GLRB: variants seen among roughly 807,000 people sequenced by gnomAD.
The protein encoded by GLRB is glycine receptor beta.
Under a neutral mutation model 54.2 loss-of-function variants are expected in GLRB, and 33 were observed. The ratio of observed to expected loss-of-function variants is 0.61; its 90% CI spans 0.46 to 0.81. The LOEUF (loss-of-function observed/expected upper bound fraction) is 0.81, where lower values mean the gene tolerates loss of function less well. Ranked by LOEUF, GLRB falls within the 40% of genes least tolerant of loss-of-function variation. GLRB has a pLI of 0.00. For missense variants in GLRB, 572 were observed against 584.6 expected (o/e 0.98, Z 0.22); for synonymous variants, 209 against 208.2 (o/e 1.00, Z -0.03).
At chr4:157,098,692 A>G (rs764576428) in intron 2 of GLRB, among the ~76,000 whole-genome samples, 145 of 150,778 alleles carry the variant, frequency 9.6e-4, no homozygotes, top group Non-Finnish European at 1.7e-3. Flanking sequence ...AGCAACCTCC[A>G]CCTCCCTGGT....
chr4:157,120,785 G>A lies in GLRB; in HGVS notation c.229+123G>A. On this transcript the variant is annotated intron_variant, in intron 3 of 9. Transcript: ENST00000264428. ...ATTCAAAACAGTAAGATTTCAAAGTGATATATAACAAAAATGTCCTTAAGT... is the reference window on the plus strand; with the variant it reads ...ATTCAAAACAGTAAGATTTCAAAGTAATATATAACAAAAATGTCCTTAAGT... 5.6e-6 allele frequency: 3 copies of A among 533,952 alleles called. 1 individual carries two copies. The highest frequency in any genetic ancestry group is 1.1e-5 in the Non-Finnish European group (3 of 285,456). The allele number at this position is 533,952 out of a possible 1,614,324, so 33.1% of individuals were successfully genotyped here. A position where few individuals can be genotyped will look rare whatever the true frequency, so the allele number is the denominator to read the frequency against.
intron 2 of GLRB, among the ~76,000 whole-genome samples, chr4:157,090,602 TG>T (rs1196877520): frequency 1.3e-5 from 2 of 152,228 alleles, no homozygotes; most frequent in Non-Finnish European, 1.5e-5. Context: ...AGAGGTGCAA[TG>T]TGAAATCTGA....
intron 9 of GLRB, among the ~76,000 whole-genome samples, chr4:157,161,408 G>T (rs1215534136): frequency 6.6e-5 from 10 of 152,202 alleles, no homozygotes; most frequent in Non-Finnish European, 1.3e-4. Flanking sequence ...ATTAGCTGAT[G>T]CAGTTTCTTC....
At position 157,141,291 on chromosome 4, in the gene GLRB, A is replaced by G. The variant is rs563610717; in HGVS notation, c.751+2342A>G. ...TTTCAGGGACTTGATCAGTACTTTT[A>G]TGAATTATCATATGAATATAAGTAA... On this transcript the variant is annotated intron_variant, in intron 7 of 9. Transcript: ENST00000264428. 7.2e-5 allele frequency among the ~76,000 whole-genome samples: 11 copies of G among 152,046 alleles called. No homozygotes were observed. In the East Asian group the frequency reaches 1.9e-3, roughly 27 times the overall value.
intron 6 of GLRB, among the ~76,000 whole-genome samples, chr4:157,138,296 G>T (rs944806287): frequency 6.6e-6 from 1 of 151,998 alleles, no homozygotes; most frequent in Admixed American, 6.6e-5. Context: ...GGCTGGTCTC[G>T]AACTCCTGAC....
At chr4:157,149,778 A>G (rs1294712743) in intron 8 of GLRB, among the ~76,000 whole-genome samples, 1 of 152,050 alleles carries the variant, frequency 6.6e-6, no homozygotes, top group South Asian at 2.1e-4. Flanking sequence ...CTGTTGATTC[A>G]TGGCATTGGT....
chr4:157,149,867 T>A (rs1264285400), intron 8 of GLRB, among the ~76,000 whole-genome samples: 3 of 152,016 alleles, frequency 2.0e-5, no homozygotes, highest in African/African-American at 7.2e-5. Context: ...TTTCTTTCCT[T>A]ATTTTTTCTT....
chr4:157,085,688 G>A (rs1734384081), intron 2 of GLRB, among the ~76,000 whole-genome samples: 1 of 151,968 alleles, frequency 6.6e-6, no homozygotes, highest in African/African-American at 2.4e-5. Context: ...CAGTAGAGAT[G>A]GGGTTTCACT....
At chr4:157,132,983 TGTA>T (rs1185793482) in intron 4 of GLRB, among the ~76,000 whole-genome samples, 2 of 149,704 alleles carry the variant, frequency 1.3e-5, no homozygotes, top group Admixed American at 6.7e-5. Flanking sequence ...TAGCACCTAA[TGTA>T]GTGCTTGATT....
At chr4:157,153,153 A>C (rs142471490) in intron 9 of GLRB, 143 bp downstream of exon 9, 4 of 787,028 alleles carry the variant, frequency 5.1e-6, no homozygotes, top group South Asian at 1.5e-5. Flanking sequence ...AACTGAGCAC[A>C]ACACAATTTT....
intron 9 of GLRB, among the ~76,000 whole-genome samples, chr4:157,166,542 G>C (rs1737716017): frequency 1.3e-5 from 2 of 152,030 alleles, no homozygotes; most frequent in South Asian, 4.1e-4. Context: ...GAAGCCCTGA[G>C]TACTTCTCAT....
intron 2 of GLRB, among the ~76,000 whole-genome samples, chr4:157,120,318 G>C (rs930554983): frequency 6.7e-6 from 1 of 150,012 alleles, no homozygotes; most frequent in Non-Finnish European, 1.5e-5. Context: ...CACCAGCATG[G>C]CACATGTATA....
At chr4:157,156,496 C>A (rs2126610328) in intron 9 of GLRB, among the ~76,000 whole-genome samples, 1 of 152,252 alleles carries the variant, frequency 6.6e-6, no homozygotes, top group South Asian at 2.1e-4. Context: ...CAGCAATAAT[C>A]TGACTTCCTC....
intron 2 of GLRB, among the ~76,000 whole-genome samples, chr4:157,113,004 AG>A (rs1735477020): frequency 6.6e-6 from 1 of 151,918 alleles, no homozygotes; most frequent in African/African-American, 2.4e-5. Flanking sequence ...ACAGAGGGTA[AG>A]TGCTTGGCCC....
At chr4:157,114,003 A>G (rs1735514034) in intron 2 of GLRB, among the ~76,000 whole-genome samples, 1 of 151,984 alleles carries the variant, frequency 6.6e-6, no homozygotes, top group Non-Finnish European at 1.5e-5. Flanking sequence ...ATACTCCACA[A>G]TAATTACACA....
At chr4:157,099,595 C>G (rs112546179) in intron 2 of GLRB, among the ~76,000 whole-genome samples, 8 of 152,160 alleles carry the variant, frequency 5.3e-5, no homozygotes, top group Admixed American at 5.2e-4. Flanking sequence ...CTTGGCCTCC[C>G]GAAGTGCTGG....
At chr4:157,120,794 C>G in intron 3 of GLRB, 132 bp downstream of exon 3, 1 of 520,802 alleles carries the variant, frequency 1.9e-6, no homozygotes, top group Non-Finnish European at 3.6e-6. Context: ...TGATATATAA[C>G]AAAAATGTCC....
At chr4:157,110,848 A>T (rs2126506276) in intron 2 of GLRB, among the ~76,000 whole-genome samples, 2 of 152,042 alleles carry the variant, frequency 1.3e-5, no homozygotes, top group South Asian at 4.1e-4. Context: ...TGCCTTTTTT[A>T]AAGTGGCTCC....
At chr4:157,113,447 C>T (rs530108679) in intron 2 of GLRB, among the ~76,000 whole-genome samples, 1 of 151,784 alleles carries the variant, frequency 6.6e-6, no homozygotes, top group Non-Finnish European at 1.5e-5. Context: ...GAGCAATATA[C>T]GGTATAAATA....
Sources: allele counts gnomAD v4.1 joint callset (sites outside exome capture counted in the v4.1 genomes callset), GRCh38; gene constraint gnomAD v4.1.1; transcripts MANE v1.5; gene names NCBI Gene and HGNC (gene_info 2026-07-23, HGNC 2026-07-21).